ITIH5: variants seen among roughly 807,000 people sequenced by gnomAD.
ITIH5 encodes the protein inter-alpha-trypsin inhibitor heavy chain 5, also known as inter-alpha-trypsin inhibitor heavy chain H5.
ITIH5 carries 65 observed loss-of-function variants against 77.5 expected under a neutral mutation model. That is an observed-to-expected ratio of 0.84 (90% confidence interval 0.69 to 1.03). The LOEUF is 1.03. Ranked by LOEUF, ITIH5 falls within the 50% of genes least tolerant of loss-of-function variation. The pLI is 0.00. For synonymous variants in ITIH5, 525 were observed against 494.3 expected, an observed-to-expected ratio of 1.06 and a Z score of -0.82; for missense variants, 1,208 against 1,213.1, an observed-to-expected ratio of 1.00 and a Z score of 0.06.
intron 12 of ITIH5, chr10:7,569,350 T>A (rs923600674): frequency 9.1e-6 from 2 of 220,620 alleles, no homozygotes; most frequent in Non-Finnish European, 1.8e-5. Context: ...ACTTCAGCAT[T>A]TAAAAAACAA....
chr10:7,647,879 T>C (rs1337882888), intron 2 of ITIH5, among the ~76,000 whole-genome samples: 1 of 152,070 alleles, frequency 6.6e-6, no homozygotes, highest in Non-Finnish European at 1.5e-5. Flanking sequence ...CTTTGCCAGA[T>C]CACACAGGTA....
chr10:7,637,585 G>T, intron 4 of ITIH5, 107 bp from the exon 5 acceptor site: 1 of 1,140,256 alleles, frequency 8.8e-7, no homozygotes, highest in South Asian at 1.5e-5. Flanking sequence ...CAGCCTGCCA[G>T]GGAGACCCAT....
rs1162288842 is a variant in ITIH5, at chr10:7,561,976, C to G, written c.*1107G>C. 1 of 152,206 alleles carries G rather than the reference C, an allele frequency of 6.6e-6. No homozygotes were observed. The highest frequency in any genetic ancestry group is 1.5e-5 in the Non-Finnish European group (1 of 68,050). 9.4% of individuals were successfully genotyped at this position (152,206 alleles called of 1,614,324 possible). The stretch of plus-strand genomic sequence containing the variant: ...TCTCATCTTAACCTTTTCCTTAAGG[C>G]ATCAGGTTTGTCCAAGTTTTGGAAC... On this transcript the variant is annotated 3_prime_UTR_variant, in exon 14 of 14. Transcript: ENST00000397146.
chr10:7,620,801 G>T (rs1474091673), intron 5 of ITIH5: 1 of 152,298 alleles, frequency 6.6e-6, no homozygotes, highest in African/African-American at 2.4e-5. Context: ...GAGTTTCCGG[G>T]AGGCACTTTT....
At chr10:7,631,558 A>G (rs907544899) in intron 5 of ITIH5, among the ~76,000 whole-genome samples, 3 of 152,190 alleles carry the variant, frequency 2.0e-5, no homozygotes, top group African/African-American at 7.2e-5. Context: ...CGAAGACTGC[A>G]CCGGCCCACT....
In ITIH5 at chr10:7,563,106, G is replaced by A. The variant is rs553296913; in HGVS notation, c.2806C>T (p.Arg936Trp). 167 of 1,610,232 alleles carry A rather than the reference G, an allele frequency of 1.0e-4. 5 individuals are homozygous for A. In the South Asian group the frequency reaches 1.7e-3, roughly 17 times the overall value. Residue 936 changes from arginine (R) to tryptophan (W), a missense_variant, in exon 14 of 14, where the codon CGG (arginine) becomes TGG (tryptophan). Coordinates refer to ENST00000397146, the MANE Select transcript of ITIH5 (RefSeq NM_030569.7). ...CTTCAGAGCTCCCTGGACATTCCCC[G>A]GCCAAGTGTCATCCCTGTGTCAAAT... Reference protein sequence around the residue: ...HPFDTGMTLGRGMSREL With the variant: ...HPFDTGMTLGWGMSREL
At chr10:7,612,550 G>A (rs971424899) in intron 7 of ITIH5, among the ~76,000 whole-genome samples, 2 of 151,930 alleles carry the variant, frequency 1.3e-5, no homozygotes, top group East Asian at 1.9e-4. Context: ...CAAACTATTC[G>A]GTAGTCACAG....
At chr10:7,617,086 A>T (rs369840073) in intron 6 of ITIH5, 27 bp downstream of exon 6, 19 of 1,468,376 alleles carry the variant, frequency 1.3e-5, no homozygotes, top group Non-Finnish European at 1.7e-5. Context: ...ACCAACCAAC[A>T]TGAAATAGCA....
intron 8 of ITIH5, 77 bp from the exon 9 acceptor site, chr10:7,580,141 G>C (rs1158277757): frequency 1.6e-5 from 21 of 1,287,148 alleles, no homozygotes; most frequent in Non-Finnish European, 2.0e-5. Context: ...TTTTTTTTGA[G>C]ACGGAGTCTT....
intron 1 of ITIH5, 81 bp downstream of exon 1, chr10:7,666,722 C>G (rs1834367427): frequency 8.6e-7 from 1 of 1,166,814 alleles, no homozygotes; most frequent in African/African-American, 1.5e-5. Context: ...GAAGGGGGCC[C>G]GGGCAGAAGC....
intron 7 of ITIH5, among the ~76,000 whole-genome samples, chr10:7,590,370 T>G (rs1420701727): frequency 1.3e-5 from 2 of 152,194 alleles, no homozygotes; most frequent in African/African-American, 4.8e-5. Flanking sequence ...ACAAAAATAT[T>G]ACTCATTTTT....
In ITIH5 at chr10:7,562,747, TATG is replaced by T; in HGVS notation, c.*333_*335del. 1 of 251,938 alleles carries T rather than the reference TATG, an allele frequency of 4.0e-6. No homozygotes were observed. Among genetic ancestry groups the T allele is most frequent in the Non-Finnish European group, 7.7e-6 (1 of 129,536 alleles). The allele number at this position is 251,938 out of a possible 1,614,324, so 15.6% of individuals were successfully genotyped here. ...CTTCCTTCACCAGAAAGGCTTACTT[TATG>T]ATATGCTAACAGAACAGAAAAGCAG... On this transcript the variant is annotated 3_prime_UTR_variant, in exon 14 of 14. Coordinates refer to ENST00000397146, the MANE Select transcript of ITIH5 (RefSeq NM_030569.7).
intron 7 of ITIH5, among the ~76,000 whole-genome samples, chr10:7,603,617 T>C (rs1833059683): frequency 6.6e-6 from 1 of 152,192 alleles, no homozygotes; most frequent in Admixed American, 6.5e-5. Flanking sequence ...GGAGTCTCGC[T>C]CTGTCGTCCA....
Position 7,641,974 on chromosome 10 carries a change from C to T in ITIH5, c.252G>A (p.Glu84=). The part of the protein sequence containing the change: ...LNRASEDQDI[E]FQMQIPAAAF... ...CTGCAGCTGGAATCTGCATCTGGAACTCAATGTCCTGGTCTTCAGAAGCTC... is the reference window on the plus strand; with the variant it reads ...CTGCAGCTGGAATCTGCATCTGGAATTCAATGTCCTGGTCTTCAGAAGCTC... Residue 84 remains glutamate (E), a synonymous_variant, in exon 3 of 14, where the codon GAG becomes GAA. Transcript: ENST00000397146. 3 of 1,614,144 alleles carry T rather than the reference C, an allele frequency of 1.9e-6. No homozygotes were observed. The highest frequency in any genetic ancestry group is 1.7e-6 in the Non-Finnish European group (2 of 1,179,980).
At chr10:7,591,605 T>C (rs1047780150) in intron 7 of ITIH5, among the ~76,000 whole-genome samples, 6 of 152,138 alleles carry the variant, frequency 3.9e-5, no homozygotes, top group South Asian at 4.1e-4. Flanking sequence ...TGCTGTTTTT[T>C]CCTTGGAGCT....
intron 7 of ITIH5, among the ~76,000 whole-genome samples, chr10:7,600,745 T>C (rs964609911): frequency 7.2e-5 from 11 of 152,142 alleles, no homozygotes; most frequent in African/African-American, 2.7e-4. Context: ...AGATGGGGAC[T>C]TTAGGAGGTA....
chr10:7,655,666 T>A lies in ITIH5; in HGVS notation c.100A>T (p.Arg34Trp). 6.2e-7 allele frequency: 1 copy of A among 1,611,626 alleles called. No homozygotes were observed. The highest frequency in any genetic ancestry group is 8.5e-7 in the Non-Finnish European group (1 of 1,177,876). The change falls in exon 2 of 14, where the codon AGG (arginine) becomes TGG (tryptophan). Residue 34 changes from arginine to tryptophan, a missense_variant. Transcript: ENST00000397146. ...WGHSSEQDGL[R>W]VPRQVRLLQR... ...AACAGTCTGACTTGCCTCGGGACCC[T>A]GAGTCCATCCTAGAAAAGAGAAGAG...
At chr10:7,641,597 A>T (rs1227119446) in intron 3 of ITIH5, among the ~76,000 whole-genome samples, 1 of 149,176 alleles carries the variant, frequency 6.7e-6, no homozygotes, top group East Asian at 2.0e-4. Flanking sequence ...AAAAAAGAGA[A>T]AATAGAAGGA....
At chr10:7,662,456 T>TA (rs528434463) in intron 1 of ITIH5, among the ~76,000 whole-genome samples, 118 of 152,212 alleles carry the variant, frequency 7.8e-4, no homozygotes, top group African/African-American at 2.7e-3. Flanking sequence ...ACCCTCCTCC[T>TA]AAAAAAAGCT....
Sources: allele counts gnomAD v4.1 joint callset (sites outside exome capture counted in the v4.1 genomes callset), GRCh38; gene constraint gnomAD v4.1.1; transcripts MANE v1.5; gene names NCBI Gene and HGNC (gene_info 2026-07-23, HGNC 2026-07-21).